MARCHF6: variants seen among roughly 807,000 people sequenced by gnomAD.
MARCHF6 encodes membrane associated ring-CH-type finger 6, also known as E3 ubiquitin-protein ligase MARCHF6.
A neutral mutation model predicts 133.7 loss-of-function variants in MARCHF6; 31 were observed. The observed-to-expected ratio is 0.23, with a 90% CI of 0.17 to 0.31. MARCHF6 has a LOEUF of 0.31. Among genes scored for constraint, MARCHF6 ranks in the 10% least tolerant of loss-of-function variants. MARCHF6 has a pLI of 1.00. For missense variants in MARCHF6, 723 were observed against 1,121.6 expected (o/e 0.64, Z 5.08); for synonymous variants, 395 against 402.5 (o/e 0.98, Z 0.22).
At position 10,440,268 on chromosome 5, in the gene MARCHF6, A is replaced by G. The variant is rs902376929; in HGVS notation, c.*6584A>G. ...AATCAAAATAATGTGTCTATGGCCAAAATAAAACCTGAAATCCCTGTCCTA... is the reference window on the plus strand; with the variant it reads ...AATCAAAATAATGTGTCTATGGCCAGAATAAAACCTGAAATCCCTGTCCTA... On this transcript the variant is annotated 3_prime_UTR_variant, in exon 26 of 26. Transcript: ENST00000274140. 5.9e-5 allele frequency: 9 copies of G among 152,206 alleles called. No individual in the cohort carries two copies. The highest frequency in any genetic ancestry group is 2.2e-4 in the African/African-American group (9 of 41,458). 9.4% of individuals were successfully genotyped at this position (152,206 alleles called of 1,614,324 possible).
intron 25 of MARCHF6, among the ~76,000 whole-genome samples, chr5:10,433,343 C>G (rs541654566): frequency 6.6e-6 from 1 of 152,316 alleles, no homozygotes; most frequent in South Asian, 2.1e-4. Context: ...CTGAGACCCC[C>G]TAAACCACTG....
At chr5:10,378,120 C>T (rs1736899216) in intron 2 of MARCHF6, among the ~76,000 whole-genome samples, 1 of 152,112 alleles carries the variant, frequency 6.6e-6, no homozygotes, top group Admixed American at 6.5e-5. Context: ...TTTGGTGTAT[C>T]CTCTTCCAGG....
At position 10,437,556 on chromosome 5, in the gene MARCHF6, CAGT is replaced by C. The variant is rs1272202346; in HGVS notation, c.*3874_*3876del. ...GCATTAATACGACATAAAGACAAGA[CAGT>C]ATATGTATGTTTTCATTCCTGTTTT... On this transcript the variant is annotated 3_prime_UTR_variant, in exon 26 of 26. Transcript: ENST00000274140. The C allele has an allele frequency of 1.3e-5, 2 of 152,168 alleles. No homozygotes were observed. The highest frequency in any genetic ancestry group is 2.9e-5 in the Non-Finnish European group (2 of 68,046). 9.4% of individuals were successfully genotyped at this position (152,168 alleles called of 1,614,324 possible). A position where few individuals can be genotyped will look rare whatever the true frequency, so the allele number is the denominator to read the frequency against.
chr5:10,435,657 A>T lies in MARCHF6; in HGVS notation c.*1973A>T, dbSNP rs570321748. ...TATATAACTATATATATATATATAT[A>T]TATATATATATATATATATATATAT... is the stretch of plus-strand genomic sequence containing the variant. On this transcript the variant is annotated 3_prime_UTR_variant, in exon 26 of 26. Transcript: ENST00000274140. The T allele has an allele frequency of 3.8e-4, 2 of 5,196 alleles. No homozygotes were observed. Among genetic ancestry groups the T allele is most frequent in the Non-Finnish European group, 4.4e-4 (1 of 2,256 alleles). The allele number at this position is 5,196 out of a possible 1,614,324, so 0.3% of individuals were successfully genotyped here. A position where few individuals can be genotyped will look rare whatever the true frequency, so the allele number is the denominator to read the frequency against.
chr5:10,403,423 C>G lies in MARCHF6; in HGVS notation c.1214C>G (p.Thr405Ser). 6.2e-7 allele frequency: 1 copy of G among 1,613,538 alleles called. No individual in the cohort carries two copies. The highest frequency in any genetic ancestry group is 1.1e-5 in the South Asian group (1 of 90,968). The part of the protein sequence containing the change: ...DICSLEMFDA[T>S]LKDRELSFQS... ...TTGTCTCAGGAAATGTTTGATGCTA[C>G]TCTGAAAGATCGAGAACTGAGCTTT... The change falls in exon 15 of 26, where the codon ACT becomes AGT. Residue 405 changes from threonine to serine, a missense_variant. Around this residue, in one of 4 missense-constraint regions of MARCHF6, gnomAD observed 492 missense variants for 699.5 expected, o/e 0.70. Transcript: ENST00000274140.
chr5:10,390,254 A>G (rs1270449796), intron 5 of MARCHF6, 78 bp from the exon 6 acceptor site: 8 of 1,179,346 alleles, frequency 6.8e-6, no homozygotes, highest in Non-Finnish European at 9.5e-6. Context: ...AGACTTTAGT[A>G]TAAGAAAATT....
intron 1 of MARCHF6, among the ~76,000 whole-genome samples, chr5:10,372,624 C>T (rs993960992): frequency 6.6e-6 from 1 of 152,092 alleles, no homozygotes; most frequent in Non-Finnish European, 1.5e-5. Context: ...TTCCTCTTGA[C>T]GAACTCCTTG....
intron 18 of MARCHF6, 91 bp from the exon 19 acceptor site, chr5:10,411,242 C>A: frequency 1.0e-6 from 1 of 997,398 alleles, no homozygotes; most frequent in South Asian, 1.4e-5. Flanking sequence ...ATTTTCTACC[C>A]TTAGTAGTAA....
intron 5 of MARCHF6, among the ~76,000 whole-genome samples, 156 bp from the exon 6 acceptor site, chr5:10,390,176 T>G (rs1014278816): frequency 2.0e-5 from 3 of 151,932 alleles, no homozygotes; most frequent in African/African-American, 7.2e-5. Context: ...AATAGTTCTT[T>G]TGGAGAAACT....
chr5:10,407,673 G>A (rs1382238165), intron 17 of MARCHF6, among the ~76,000 whole-genome samples: 1 of 152,162 alleles, frequency 6.6e-6, no homozygotes, highest in East Asian at 1.9e-4. Flanking sequence ...GTGGGCTAAG[G>A]CCAGGCGTGG....
At chr5:10,419,319 A>G (rs1398939799) in intron 22 of MARCHF6, among the ~76,000 whole-genome samples, 1 of 152,200 alleles carries the variant, frequency 6.6e-6, no homozygotes, top group African/African-American at 2.4e-5. Context: ...GGCCTCAGTT[A>G]TACTACAAGG....
At chr5:10,380,687 A>G (rs1322857902) in intron 3 of MARCHF6, among the ~76,000 whole-genome samples, 2 of 152,132 alleles carry the variant, frequency 1.3e-5, no homozygotes. Context: ...GCACTTTGAA[A>G]GGCTGAGGCA....
chr5:10,417,750 AAAAAT>A (rs1739593814), intron 22 of MARCHF6, among the ~76,000 whole-genome samples: 1 of 151,688 alleles, frequency 6.6e-6, no homozygotes, highest in South Asian at 2.1e-4. Context: ...ACAAAAGGAA[AAAAAT>A]ATAATTTTTA....
intron 11 of MARCHF6, 112 bp downstream of exon 11, chr5:10,400,954 G>C (rs952090595): frequency 1.2e-5 from 10 of 824,458 alleles, no homozygotes; most frequent in Non-Finnish European, 2.0e-5. Flanking sequence ...TTATGCAAGG[G>C]AATAGTTAGG....
At chr5:10,428,576 A>G in intron 24 of MARCHF6, among the ~76,000 whole-genome samples, 1 of 152,014 alleles carries the variant, frequency 6.6e-6, no homozygotes, top group East Asian at 1.9e-4. Flanking sequence ...TTCTGACCTC[A>G]GATAATCCAC....
At chr5:10,398,970 G>T (rs955719626) in intron 10 of MARCHF6, among the ~76,000 whole-genome samples, 2 of 152,048 alleles carry the variant, frequency 1.3e-5, no homozygotes, top group Non-Finnish European at 2.9e-5. Context: ...TTTGGCTCTT[G>T]TGGTCATATG....
intron 1 of MARCHF6, among the ~76,000 whole-genome samples, chr5:10,357,098 C>T (rs1196517553): frequency 6.6e-6 from 1 of 152,082 alleles, no homozygotes; most frequent in Non-Finnish European, 1.5e-5. Flanking sequence ...AACTTCAGAG[C>T]TATAGGAGAC....
At chr5:10,391,778 T>C in intron 7 of MARCHF6, 47 bp downstream of exon 7, 1 of 1,412,384 alleles carries the variant, frequency 7.1e-7, no homozygotes, top group African/African-American at 1.5e-5. Context: ...GCAAATCTGT[T>C]CTCAACTTGC....
chr5:10,432,159 A>G (rs1026911825), intron 25 of MARCHF6, among the ~76,000 whole-genome samples: 1 of 152,240 alleles, frequency 6.6e-6, no homozygotes, highest in African/African-American at 2.4e-5. Flanking sequence ...GAAAAGTGAT[A>G]GATAAAAGTC....
Sources: allele counts gnomAD v4.1 joint callset (sites outside exome capture counted in the v4.1 genomes callset), GRCh38; gene constraint gnomAD v4.1.1; regional missense constraint gnomAD v4.1.1; transcripts MANE v1.5; gene names NCBI Gene and HGNC (gene_info 2026-07-23, HGNC 2026-07-21).